The following TASOR variants were observed in gnomAD, a reference collection of about 807,000 sequenced individuals.
TASOR encodes the protein transcription activation suppressor, also known as protein TASOR.
A neutral mutation model predicts 178.6 loss-of-function variants in TASOR; 53 were observed. That is an observed-to-expected ratio of 0.30 (90% CI 0.24 to 0.37). The LOEUF is 0.37. Ranked by LOEUF, TASOR falls within the 10% of genes least tolerant of loss-of-function variation. The pLI is 1.00. For synonymous variants in TASOR, 713 were observed against 696.2 expected (o/e 1.02, Z -0.38); for missense variants, 1,815 against 1,971.4 (o/e 0.92, Z 1.50).
At chr3:56,655,254 A>G (rs947202187) in intron 11 of TASOR, among the ~76,000 whole-genome samples, 4 of 152,216 alleles carry the variant, frequency 2.6e-5, no homozygotes, top group African/African-American at 7.2e-5. Context: ...TTTTTATTCA[A>G]CTTCTTAGTA....
At chr3:56,643,412 G>A (rs2077168672) in intron 14 of TASOR, among the ~76,000 whole-genome samples, 1 of 152,058 alleles carries the variant, frequency 6.6e-6, no homozygotes, top group African/African-American at 2.4e-5. Context: ...AATGGGTTAG[G>A]AGGTTACCTC....
At chr3:56,675,339 G>C (rs2031190899) in intron 1 of TASOR, among the ~76,000 whole-genome samples, 1 of 151,018 alleles carries the variant, frequency 6.6e-6, no homozygotes, top group Admixed American at 6.6e-5. Context: ...ACCACGCCCA[G>C]CTAATTTTTA....
intron 18 of TASOR, among the ~76,000 whole-genome samples, chr3:56,630,947 G>T (rs2076899814): frequency 6.6e-6 from 1 of 151,888 alleles, no homozygotes; most frequent in African/African-American, 2.4e-5. Context: ...GGGGATGGAG[G>T]AAGTTGGAGT....
chr3:56,644,093 G>A (rs2077185759), intron 14 of TASOR, among the ~76,000 whole-genome samples: 1 of 152,188 alleles, frequency 6.6e-6, no homozygotes, highest in Admixed American at 6.5e-5. Flanking sequence ...TGTGCTCAGT[G>A]ACAGGAAATG....
chr3:56,648,305 G>A (rs1482694256), intron 13 of TASOR, among the ~76,000 whole-genome samples: 1 of 151,948 alleles, frequency 6.6e-6, no homozygotes, highest in African/African-American at 2.4e-5. Context: ...TGAGAGCACT[G>A]ATAAACACAA....
At position 56,637,610 on chromosome 3, in the gene TASOR, TAGA is replaced by T. The variant is rs546163172; in HGVS notation, c.2824+1093_2824+1095del. Among the ~76,000 whole-genome samples the T allele has an allele frequency of 1.3e-4, 20 of 151,254 alleles. 1 individual carries two copies. In the East Asian group the frequency reaches 3.7e-3, roughly 28 times the overall value. On this transcript the variant is annotated intron_variant, in intron 17 of 23. Coordinates refer to ENST00000683822, the MANE Select transcript of TASOR (RefSeq NM_001365635.2). ...CTTTTTTTTTTTAACCACATTTTCC[TAGA>T]AGGAGATGGTGAAGATTTTCTTCAA...
Position 56,657,201 on chromosome 3 carries a change from G to A in TASOR, c.1368+3530C>T, listed in dbSNP as rs75037295. ...AAATTAGCCGAGCATGGTGGCAGGCGCCTGTAATCCCAGCTACTCCGGAGA... is the reference window on the plus strand; with the variant it reads ...AAATTAGCCGAGCATGGTGGCAGGCACCTGTAATCCCAGCTACTCCGGAGA... On this transcript the variant is annotated intron_variant, in intron 11 of 23. Coordinates refer to ENST00000683822, the MANE Select transcript of TASOR (RefSeq NM_001365635.2). Among the ~76,000 whole-genome samples the A allele has an allele frequency of 9.4e-4, 142 of 151,412 alleles. No individual in the cohort carries two copies. In the East Asian group the frequency reaches 0.011, roughly 12 times the overall value.
intron 18 of TASOR, among the ~76,000 whole-genome samples, chr3:56,632,579 G>C (rs1046421949): frequency 7.2e-5 from 11 of 152,104 alleles, no homozygotes; most frequent in African/African-American, 2.7e-4. Context: ...TTCTAACATA[G>C]ATCAGAAGTT....
Position 56,670,250 on chromosome 3 carries a change from A to G in TASOR, c.571-105T>C, listed in dbSNP as rs930643934. On this transcript the variant is annotated intron_variant, in intron 3 of 23. Coordinates refer to ENST00000683822, the MANE Select transcript of TASOR (RefSeq NM_001365635.2). ...TAAATAAAAACAAAGCTTCTTAACTATGTATCATTCTAGATCACAGAAATC... is the reference window on the plus strand; with the variant it reads ...TAAATAAAAACAAAGCTTCTTAACTGTGTATCATTCTAGATCACAGAAATC... 4 of 634,516 alleles carry G rather than the reference A, an allele frequency of 6.3e-6. No homozygotes were observed. The African/African-American group carries it at 7.4e-5, about 12-fold the overall frequency. The allele number at this position is 634,516 out of a possible 1,614,324, so 39.3% of individuals were successfully genotyped here.
At chr3:56,648,169 C>T (rs916791373) in intron 13 of TASOR, among the ~76,000 whole-genome samples, 2 of 151,868 alleles carry the variant, frequency 1.3e-5, no homozygotes, top group Non-Finnish European at 2.9e-5. Flanking sequence ...GAGCCATGAT[C>T]GCACCACTGC....
At chr3:56,634,904 A>C (rs2076986552) in intron 17 of TASOR, among the ~76,000 whole-genome samples, 1 of 152,200 alleles carries the variant, frequency 6.6e-6, no homozygotes, top group Admixed American at 6.5e-5. Context: ...CTTCAATTTT[A>C]GTGTTATATT....
At position 56,676,646 on chromosome 3, in the gene TASOR, C is replaced by T. The variant is rs115495926; in HGVS notation, c.332-2921G>A. Among the ~76,000 whole-genome samples, 860 of 152,286 alleles carry T rather than the reference C, an allele frequency of 5.6e-3. 11 individuals are homozygous for T. The highest frequency in any genetic ancestry group is 0.02 in the African/African-American group (826 of 41,568). Reference sequence around the variant, plus strand: ...AAAATGTACACAAAAAAAGGTATCACATGGCTGCCAATTTCTATGAAATGT... The same window carrying T: ...AAAATGTACACAAAAAAAGGTATCATATGGCTGCCAATTTCTATGAAATGT... On this transcript the variant is annotated intron_variant, in intron 1 of 23. Coordinates refer to ENST00000683822, the MANE Select transcript of TASOR (RefSeq NM_001365635.2).
chr3:56,649,218 G>A lies in TASOR; in HGVS notation c.1369-161C>T, dbSNP rs2306932. On this transcript the variant is annotated intron_variant, in intron 11 of 23. Coordinates refer to ENST00000683822, the MANE Select transcript of TASOR (RefSeq NM_001365635.2). ...TTAGTTAATTCTTTCTACCAACTCT[G>A]CTGATTAACAGGATTCCAATCAAAT... 1.4e-3 allele frequency among the ~76,000 whole-genome samples: 212 copies of A among 152,236 alleles called. 2 individuals are homozygous for A. The East Asian group carries it at 0.039, about 28-fold the overall frequency.
chr3:56,621,378 G>A lies in TASOR; in HGVS notation c.*1659C>T, dbSNP rs998917095. The A allele has an allele frequency of 2.1e-6, 1 of 467,584 alleles. No homozygotes were observed. The highest frequency in any genetic ancestry group is 3.8e-6 in the Non-Finnish European group (1 of 260,770). The allele number at this position is 467,584 out of a possible 1,614,324, so 29.0% of individuals were successfully genotyped here. On this transcript the variant is annotated 3_prime_UTR_variant, in exon 24 of 24. Coordinates refer to ENST00000683822, the MANE Select transcript of TASOR (RefSeq NM_001365635.2). ...TGTGATAGCTATATATCCAAATGAG[G>A]TGGTCTAGTACAAGCATTTCTGAAA... is the stretch of plus-strand genomic sequence containing the variant.
At chr3:56,670,940 C>CAAAAAAAAAAAAAAA (rs11300845) in intron 3 of TASOR, among the ~76,000 whole-genome samples, 14 of 54,188 alleles carry the variant, frequency 2.6e-4, no homozygotes, top group South Asian at 1.8e-3. Context: ...GACTCCATCT[C>CAAAAAAAAAAAAAAA]AAAAAAAAAA....
At chr3:56,655,937 A>G (rs2077459374) in intron 11 of TASOR, among the ~76,000 whole-genome samples, 1 of 152,218 alleles carries the variant, frequency 6.6e-6, no homozygotes. Flanking sequence ...GATGAGATGG[A>G]AGTGAGGCTG....
intron 5 of TASOR, among the ~76,000 whole-genome samples, chr3:56,669,319 C>T (rs2030412176): frequency 1.3e-5 from 2 of 151,956 alleles, no homozygotes; most frequent in East Asian, 1.9e-4. Context: ...CTGGCTAACA[C>T]GGTGAAAACC....
chr3:56,650,010 C>T (rs2077317163), intron 11 of TASOR, among the ~76,000 whole-genome samples: 1 of 152,202 alleles, frequency 6.6e-6, no homozygotes, highest in South Asian at 2.1e-4. Context: ...TCCCTTTGAG[C>T]TACTGTTTCC....
At chr3:56,630,539 T>C (rs546744367) in intron 18 of TASOR, among the ~76,000 whole-genome samples, 67 of 152,328 alleles carry the variant, frequency 4.4e-4, no homozygotes, top group African/African-American at 1.6e-3. Flanking sequence ...ATGCATCTCC[T>C]ATCCCCTTAA....
Sources: allele counts gnomAD v4.1 joint callset (sites outside exome capture counted in the v4.1 genomes callset), GRCh38; gene constraint gnomAD v4.1.1; transcripts MANE v1.5; gene names NCBI Gene and HGNC (gene_info 2026-07-23, HGNC 2026-07-21).